Variants in IGF2BP3 observed in about 807,000 individuals in gnomAD.
IGF2BP3 encodes the protein insulin-like growth factor 2 mRNA-binding protein 3.
Under a neutral mutation model 73.8 loss-of-function variants are expected in IGF2BP3, and 9 were observed. The observed-to-expected ratio is 0.12, with a 90% CI of 0.07 to 0.21. IGF2BP3 has a LOEUF of 0.21. IGF2BP3 is among the 10% of genes least tolerant of loss of function. IGF2BP3 has a pLI of 1.00. For missense variants in IGF2BP3, 542 were observed against 714.0 expected, an observed-to-expected ratio of 0.76 and a Z score of 2.75; for synonymous variants, 258 against 256.7, an observed-to-expected ratio of 1.01 and a Z score of -0.05.
chr7:23,462,689 C>T (rs1283754734), intron 2 of IGF2BP3, among the ~76,000 whole-genome samples: 1 of 152,116 alleles, frequency 6.6e-6, no homozygotes, highest in Non-Finnish European at 1.5e-5. Context: ...TAACTTTAAA[C>T]TATTTCCTAA....
rs140089661 is a variant in IGF2BP3 at position 23,435,903 on chromosome 7, G to A, written c.237-17079C>T. On this transcript the variant is annotated intron_variant, in intron 2 of 14. Coordinates refer to ENST00000258729, the MANE Select transcript of IGF2BP3 (RefSeq NM_006547.3). Reference sequence around the variant, plus strand: ...CTCCTGAGTCATTGGAATTACAGGCGTGTGCCACCATGCCTGGCTAATACT... The same window carrying A: ...CTCCTGAGTCATTGGAATTACAGGCATGTGCCACCATGCCTGGCTAATACT... Among the ~76,000 whole-genome samples, 1,064 of 152,118 alleles carry A rather than the reference G, an allele frequency of 7.0e-3. 10 individuals are homozygous for A. Among genetic ancestry groups the A allele is most frequent in the African/African-American group, 0.025 (1,023 of 41,492 alleles).
intron 2 of IGF2BP3, among the ~76,000 whole-genome samples, chr7:23,455,056 A>G (rs978870059): frequency 6.6e-6 from 1 of 152,220 alleles, no homozygotes; most frequent in African/African-American, 2.4e-5. Context: ...AAAGTACTGA[A>G]GACGCAAAAG....
At chr7:23,323,848 A>C (rs1353525446) in intron 10 of IGF2BP3, among the ~76,000 whole-genome samples, 1 of 152,056 alleles carries the variant, frequency 6.6e-6, no homozygotes, top group Non-Finnish European at 1.5e-5. Flanking sequence ...TTAAGGCAGA[A>C]ATAAAGATGT....
intron 10 of IGF2BP3, among the ~76,000 whole-genome samples, chr7:23,338,282 C>T (rs1412010049): frequency 1.3e-5 from 2 of 152,010 alleles, no homozygotes; most frequent in African/African-American, 4.8e-5. Context: ...ACTTTTTCTC[C>T]CTTGCAATTG....
rs535274732 is a variant in IGF2BP3, at chr7:23,356,840, A to AAAAAC, written c.401+4689_401+4693dup. Among the ~76,000 whole-genome samples, 366 of 152,296 alleles carry AAAAAC rather than the reference A, an allele frequency of 2.4e-3. 2 individuals are homozygous for AAAAAC. Among genetic ancestry groups the AAAAAC allele is most frequent in the South Asian group, 0.01 (50 of 4,820 alleles). ...AAGGCTTCATGACTAAATTGGTTCT[A>AAAAAC]AAAACAAAACAAAACAAAACGGTAT... is the stretch of plus-strand genomic sequence containing the variant. On this transcript the variant is annotated intron_variant, in intron 5 of 14. Transcript: ENST00000258729.
chr7:23,378,116 G>T (rs528375258), intron 3 of IGF2BP3, among the ~76,000 whole-genome samples: 3 of 152,026 alleles, frequency 2.0e-5, no homozygotes, highest in Admixed American at 1.3e-4. Context: ...AATATAGTTC[G>T]ATTTTTAAAA....
At position 23,388,861 on chromosome 7, in the gene IGF2BP3, C is replaced by T. The variant is rs187961700; in HGVS notation, c.286-27120G>A. ...CACATAAATGTTCATAGCACCTTTA[C>T]CTGTAGTAGTTAAAAACTGGAAACA... On this transcript the variant is annotated intron_variant, in intron 3 of 14. Transcript: ENST00000258729. Among the ~76,000 whole-genome samples the T allele has an allele frequency of 4.7e-4, 72 of 152,204 alleles. 1 individual carries two copies. In the East Asian group the frequency reaches 0.013, roughly 27 times the overall value.
At chr7:23,385,716 T>A (rs577486102) in intron 3 of IGF2BP3, among the ~76,000 whole-genome samples, 1 of 151,572 alleles carries the variant, frequency 6.6e-6, no homozygotes, top group Non-Finnish European at 1.5e-5. Context: ...CTACCGCCCA[T>A]CTATTTTTAT....
intron 5 of IGF2BP3, among the ~76,000 whole-genome samples, chr7:23,357,467 A>G (rs1187912431): frequency 6.6e-6 from 1 of 152,150 alleles, no homozygotes; most frequent in Non-Finnish European, 1.5e-5. Context: ...AACCCCAAAC[A>G]AAAGAAAGTA....
intron 3 of IGF2BP3, among the ~76,000 whole-genome samples, chr7:23,389,401 C>T (rs1446865208): frequency 2.0e-5 from 3 of 152,122 alleles, no homozygotes; most frequent in African/African-American, 7.2e-5. Context: ...ACCTGGTGAT[C>T]TGCCCACCTC....
At chr7:23,396,534 G>A in intron 3 of IGF2BP3, 1 of 161,670 alleles carries the variant, frequency 6.2e-6, no homozygotes, top group South Asian at 1.6e-4. Context: ...AAATACATGA[G>A]ATAATGCAAG....
chr7:23,425,135 A>G (rs1787471798), intron 2 of IGF2BP3, among the ~76,000 whole-genome samples: 1 of 152,264 alleles, frequency 6.6e-6, no homozygotes, highest in African/African-American at 2.4e-5. Context: ...ATTGCTAATA[A>G]CTATCTTTTT....
Position 23,312,187 on chromosome 7 carries a change from A to AG in IGF2BP3, c.*174_*175insC. On this transcript the variant is annotated 3_prime_UTR_variant, in exon 15 of 15. Transcript: ENST00000258729. ...GGGTGTCATACATTTCAGAGAGCAT[A>AG]AAGTATACATTCTCACAGAGACAGG... is the stretch of plus-strand genomic sequence containing the variant. 1.7e-6 allele frequency: 1 copy of AG among 578,030 alleles called. No homozygotes were observed. Among genetic ancestry groups the AG allele is most frequent in the Non-Finnish European group, 3.1e-6 (1 of 321,996 alleles). The allele number at this position is 578,030 out of a possible 1,614,324, so 35.8% of individuals were successfully genotyped here. A position where few individuals can be genotyped will look rare whatever the true frequency, so the allele number is the denominator to read the frequency against.
intron 5 of IGF2BP3, among the ~76,000 whole-genome samples, chr7:23,357,554 C>G (rs1382138358): frequency 1.3e-5 from 2 of 152,186 alleles, no homozygotes; most frequent in Non-Finnish European, 2.9e-5. Flanking sequence ...TGAGTAATGT[C>G]TGTCCTTGAC....
At chr7:23,448,159 T>C (rs1481979259) in intron 2 of IGF2BP3, among the ~76,000 whole-genome samples, 2 of 152,186 alleles carry the variant, frequency 1.3e-5, no homozygotes, top group African/African-American at 4.8e-5. Flanking sequence ...AGCCTCAAAA[T>C]GTAAACTGTC....
At chr7:23,328,187 A>G (rs1390421473) in intron 10 of IGF2BP3, among the ~76,000 whole-genome samples, 2 of 152,162 alleles carry the variant, frequency 1.3e-5, no homozygotes, top group African/African-American at 4.8e-5. Context: ...AAATCTTTAA[A>G]GGAAAAATTC....
In IGF2BP3 at chr7:23,314,164, T is replaced by C. The variant is rs978747490; in HGVS notation, c.1396-511A>G. Among the ~76,000 whole-genome samples, 61 of 150,862 alleles carry C rather than the reference T, an allele frequency of 4.0e-4. 1 individual carries two copies. Among genetic ancestry groups the C allele is most frequent in the Middle Eastern group, 3.5e-3 (1 of 288 alleles). On this transcript the variant is annotated intron_variant, in intron 12 of 14. Transcript: ENST00000258729. ...CCTCCTGAGTAGCAGACTACAGGCA[T>C]GCAACACCACACCTGACTTATTTTT...
chr7:23,434,091 TAAAAA>T (rs11362019), intron 2 of IGF2BP3, among the ~76,000 whole-genome samples: 2 of 129,526 alleles, frequency 1.5e-5, no homozygotes, highest in African/African-American at 5.8e-5. Context: ...AAATTAAAAT[TAAAAA>T]AAAAAAAAAA....
rs750850609 is a variant in IGF2BP3, at chr7:23,418,830, G to A, written c.237-6C>T. ...GTATCTGAAGTTTCCGAATCCTGCAGAAGAATTAAAATGTTTTTTAAAAGA... is the reference window on the plus strand; with the variant it reads ...GTATCTGAAGTTTCCGAATCCTGCAAAAGAATTAAAATGTTTTTTAAAAGA... On this transcript the variant is annotated splice_polypyrimidine_tract_variant and splice_region_variant and intron_variant, in intron 2 of 14. Coordinates refer to ENST00000258729, the MANE Select transcript of IGF2BP3 (RefSeq NM_006547.3). 5.1e-6 allele frequency: 8 copies of A among 1,561,272 alleles called. No homozygotes were observed. The South Asian group carries it at 5.9e-5, about 12-fold the overall frequency.
Sources: gnomAD v4.1 joint callset for allele counts (sites outside exome capture counted in the v4.1 genomes callset) on GRCh38, gnomAD v4.1.1 for gene constraint, MANE v1.5 for transcripts, NCBI Gene and HGNC (gene_info 2026-07-23, HGNC 2026-07-21) for gene names.